Variants in TSHZ2 observed in about 807,000 individuals in gnomAD.
TSHZ2 encodes the protein teashirt zinc finger homeobox 2, also known as teashirt homolog 2.
In TSHZ2, 21 loss-of-function variants were observed where a neutral mutation model predicts 74.4. That is an observed-to-expected ratio of 0.28 (90% CI 0.20 to 0.41). The LOEUF is 0.41. Among genes scored for constraint, TSHZ2 ranks in the 10% least tolerant of loss-of-function variants. The pLI, the probability that TSHZ2 is intolerant of heterozygous loss-of-function variation, is 1.00. For synonymous variants in TSHZ2, 540 were observed against 515.3 expected, an observed-to-expected ratio of 1.05 and a Z score of -0.65; for missense variants, 1,244 against 1,293.5, an observed-to-expected ratio of 0.96 and a Z score of 0.59.
chr20:53,380,690 T>A (rs1362249489), intron 2 of TSHZ2, among the ~76,000 whole-genome samples: 1 of 152,210 alleles, frequency 6.6e-6, no homozygotes, highest in Non-Finnish European at 1.5e-5. Flanking sequence ...ATCCAAGTGA[T>A]CACTTTGATG....
At chr20:53,231,706 G>A (rs1989828289) in intron 1 of TSHZ2, among the ~76,000 whole-genome samples, 1 of 152,116 alleles carries the variant, frequency 6.6e-6, no homozygotes, top group Non-Finnish European at 1.5e-5. Flanking sequence ...ACAAGGAAAG[G>A]AGACTCACAG....
At chr20:53,281,880 C>T (rs1445990526) in intron 2 of TSHZ2, among the ~76,000 whole-genome samples, 2 of 152,176 alleles carry the variant, frequency 1.3e-5, no homozygotes, top group Non-Finnish European at 2.9e-5. Context: ...CAGTCATTGG[C>T]TCAAGGATAG....
At chr20:53,054,109 C>G (rs999396781) in intron 1 of TSHZ2, among the ~76,000 whole-genome samples, 3 of 152,200 alleles carry the variant, frequency 2.0e-5, no homozygotes, top group Non-Finnish European at 4.4e-5. Context: ...CGATGTACCA[C>G]AAGGTGGCCC....
At chr20:53,278,735 GC>G (rs555228209) in intron 2 of TSHZ2, among the ~76,000 whole-genome samples, 79 of 152,186 alleles carry the variant, frequency 5.2e-4, no homozygotes, top group Middle Eastern at 6.8e-3. Context: ...TTCCATGAAA[GC>G]CTATCTAAAT....
rs1184962414 is a variant in TSHZ2 at position 53,208,470 on chromosome 20, A to G, written c.41-45029A>G. On this transcript the variant is annotated intron_variant, in intron 1 of 2. Transcript: ENST00000371497. The stretch of plus-strand genomic sequence containing the variant: ...GTGTAACCCTGATTTGTGAATGAGG[A>G]AGCTGGAAATCAAGCACTCCCCAAG... The G allele has an allele frequency of 2.0e-5, 3 of 152,176 alleles. No homozygotes were observed. The East Asian group carries it at 5.8e-4, about 29-fold the overall frequency. 9.4% of individuals were successfully genotyped at this position (152,176 alleles called of 1,614,324 possible).
At chr20:53,352,378 G>C (rs1190264562) in intron 2 of TSHZ2, among the ~76,000 whole-genome samples, 1 of 151,666 alleles carries the variant, frequency 6.6e-6, no homozygotes, top group African/African-American at 2.4e-5. Context: ...AGGGTCCAAT[G>C]AGGAAATAGT....
At chr20:53,335,188 C>CCAGA (rs1979896479) in intron 2 of TSHZ2, among the ~76,000 whole-genome samples, 1 of 152,132 alleles carries the variant, frequency 6.6e-6, no homozygotes, top group African/African-American at 2.4e-5. Flanking sequence ...TTTGGCCTCA[C>CCAGA]CAGAGACCTA....
intron 1 of TSHZ2, among the ~76,000 whole-genome samples, chr20:53,244,875 A>C (rs1164441379): frequency 6.6e-6 from 1 of 152,208 alleles, no homozygotes; most frequent in African/African-American, 2.4e-5. Context: ...TTTAATATTA[A>C]ATAACAAACC....
At chr20:53,441,881 C>G (rs1002786430) in intron 2 of TSHZ2, among the ~76,000 whole-genome samples, 1 of 152,234 alleles carries the variant, frequency 6.6e-6, no homozygotes, top group East Asian at 1.9e-4. Context: ...CACTCCCAGC[C>G]TTTTCATTAT....
intron 1 of TSHZ2, among the ~76,000 whole-genome samples, chr20:53,169,695 T>A (rs1224103250): frequency 6.6e-6 from 1 of 152,220 alleles, no homozygotes; most frequent in Non-Finnish European, 1.5e-5. Flanking sequence ...CTCCCCTTTT[T>A]AAACAGAATC....
chr20:53,091,384 G>T (rs567151804), intron 1 of TSHZ2, among the ~76,000 whole-genome samples: 1 of 152,164 alleles, frequency 6.6e-6, no homozygotes, highest in Non-Finnish European at 1.5e-5. Context: ...TTTGTATGCC[G>T]CTCCCGGTTT....
intron 1 of TSHZ2, among the ~76,000 whole-genome samples, chr20:53,217,944 G>A (rs527951711): frequency 6.6e-6 from 1 of 152,292 alleles, no homozygotes; most frequent in East Asian, 1.9e-4. Flanking sequence ...TCAGACCTAG[G>A]CTTTCACATC....
chr20:53,089,634 T>C (rs1288672704), intron 1 of TSHZ2, among the ~76,000 whole-genome samples: 4 of 152,184 alleles, frequency 2.6e-5, no homozygotes, highest in African/African-American at 7.2e-5. Flanking sequence ...ATATGATTTT[T>C]CACACAGTAA....
intron 2 of TSHZ2, among the ~76,000 whole-genome samples, chr20:53,474,541 C>T (rs1331707308): frequency 1.1e-4 from 14 of 124,998 alleles, no homozygotes; most frequent in Admixed American, 1.7e-4. Flanking sequence ...CGGTACCAGC[C>T]GCTGCAAAAT....
chr20:53,001,410 T>C (rs2752914), intron 1 of TSHZ2, among the ~76,000 whole-genome samples: 44,189 of 151,934 alleles, frequency 0.29, 7,803 homozygotes, highest in Non-Finnish European at 0.41. Flanking sequence ...AAAATGTATA[T>C]CAAGGAAGGA....
rs1446416314 is a variant in TSHZ2 at position 53,255,035 on chromosome 20, C to G, written c.1577C>G (p.Thr526Arg). The G allele has an allele frequency of 6.2e-7, 1 of 1,614,184 alleles. No homozygotes were observed. Residue 526 changes from threonine to arginine, a missense_variant, in exon 2 of 3, where the codon ACA (threonine) becomes AGA (arginine). This residue lies in a region of TSHZ2 where 562 missense variants were observed against 544.0 expected (regional missense o/e 1.03). Transcript: ENST00000371497. This position sits in a 1 kb window ranked among gnomAD's most constrained non-coding sequence, Gnocchi z 4.1. Reference protein sequence around the residue: ...ILKSLENTVTTAINKAQNGAP... With the variant: ...ILKSLENTVTRAINKAQNGAP... ...AAATCTTTGGAAAATACTGTCACCA[C>G]AGCCATCAACAAAGCCCAAAACGGG...
At chr20:53,112,295 A>G (rs1986555318) in intron 1 of TSHZ2, among the ~76,000 whole-genome samples, 1 of 152,164 alleles carries the variant, frequency 6.6e-6, no homozygotes, top group African/African-American at 2.4e-5. Context: ...ACAAATTCAC[A>G]GATAAAATTA....
At chr20:53,198,705 G>A (rs1171406085) in intron 1 of TSHZ2, among the ~76,000 whole-genome samples, 3 of 151,986 alleles carry the variant, frequency 2.0e-5, no homozygotes, top group Non-Finnish European at 4.4e-5. Flanking sequence ...TAAACCCAGA[G>A]GAACTCCAAG....
chr20:53,478,586 G>A (rs13036417), intron 2 of TSHZ2, among the ~76,000 whole-genome samples: 29,244 of 149,122 alleles, frequency 0.2, 2,983 homozygotes, highest in East Asian at 0.29. Context: ...TGGGTGCAGC[G>A]CACCAGCATG....
Sources: allele counts gnomAD v4.1 joint callset (sites outside exome capture counted in the v4.1 genomes callset), GRCh38; gene constraint gnomAD v4.1.1; regional missense constraint gnomAD v4.1.1; non-coding constraint Gnocchi (gnomAD v3.1); transcripts MANE v1.5; gene names NCBI Gene and HGNC (gene_info 2026-07-23, HGNC 2026-07-21).